The following ADNP2 variants were observed in gnomAD, a reference collection of about 807,000 sequenced individuals.
ADNP2 encodes activity-dependent neuroprotector homeobox protein 2.
A neutral mutation model predicts 16.4 loss-of-function variants in ADNP2; 8 were observed. The observed-to-expected ratio is 0.49, with a 90% CI of 0.29 to 0.88. The LOEUF (loss-of-function observed/expected upper bound fraction) is 0.88, where lower values mean the gene tolerates loss of function less well. Among genes scored for constraint, ADNP2 ranks in the 40% least tolerant of loss-of-function variants. ADNP2 has a pLI of 0.09. For synonymous variants in ADNP2, 637 were observed against 545.8 expected (o/e 1.17, Z -2.33); for missense variants, 1,397 against 1,395.1 (o/e 1.00, Z -0.02).
intron 1 of ADNP2, chr18:80,109,995 A>C (rs2052347357): frequency 6.6e-6 from 1 of 152,478 alleles, no homozygotes; most frequent in Admixed American, 6.5e-5. Flanking sequence ...TTCTCTCTGG[A>C]GGAGCCTTGA....
At position 80,136,264 on chromosome 18, in the gene ADNP2, G is replaced by T. The variant is rs149486660; in HGVS notation, c.851G>T (p.Ser284Ile). ...GCACCAGCAAATGGCAGTGCTCCAA[G>T]CGCTCCAGCGCAGCCTCCTTGCTTC... ...LAAPANGSAP[S>I]APAQPPCFHL... The change falls in exon 4 of 4, where the codon AGC becomes ATC. Residue 284 changes from serine (S) to isoleucine (I), a missense_variant. Coordinates refer to ENST00000262198, the MANE Select transcript of ADNP2 (RefSeq NM_014913.4). 1 of 1,613,988 alleles carries T rather than the reference G, an allele frequency of 6.2e-7. No individual in the cohort carries two copies. Among genetic ancestry groups the T allele is most frequent in the East Asian group, 2.2e-5 (1 of 44,874 alleles).
At chr18:80,128,182 G>A (rs2052472810) in intron 2 of ADNP2, among the ~76,000 whole-genome samples, 1 of 152,166 alleles carries the variant, frequency 6.6e-6, no homozygotes, top group Non-Finnish European at 1.5e-5. Flanking sequence ...AGATTCTTGT[G>A]TGTGCTGGTT....
chr18:80,131,482 T>G (rs1030699469), intron 2 of ADNP2, among the ~76,000 whole-genome samples: 2 of 152,030 alleles, frequency 1.3e-5, no homozygotes, highest in African/African-American at 4.8e-5. Context: ...AAGAAAAAAA[T>G]ACACTTTTCT....
chr18:80,127,360 T>TTTTA (rs56181763), intron 2 of ADNP2, among the ~76,000 whole-genome samples: 16 of 149,094 alleles, frequency 1.1e-4, no homozygotes, highest in African/African-American at 4.0e-4. Flanking sequence ...TTTTTTTTTT[T>TTTTA]AACCATTCCC....
intron 2 of ADNP2, among the ~76,000 whole-genome samples, chr18:80,125,489 A>G (rs182121763): frequency 2.0e-5 from 3 of 152,170 alleles, no homozygotes; most frequent in Admixed American, 6.5e-5. Flanking sequence ...TAAAAATACA[A>G]AAAATTAGCC....
At chr18:80,127,045 C>A (rs769533490) in intron 2 of ADNP2, among the ~76,000 whole-genome samples, 45 of 152,302 alleles carry the variant, frequency 3.0e-4, no homozygotes, top group Middle Eastern at 6.8e-3. Flanking sequence ...TTTGAGAGAC[C>A]ACATTCACAA....
chr18:80,120,909 TTTGTCTC>T (rs1356775433), intron 2 of ADNP2, among the ~76,000 whole-genome samples: 3 of 152,174 alleles, frequency 2.0e-5, no homozygotes, highest in East Asian at 1.9e-4. Context: ...GATTTCACCT[TTTGTCTC>T]TTGTGAATTA....
At position 80,133,097 on chromosome 18, in the gene ADNP2, T is replaced by C; in HGVS notation, c.109-6T>C. Reference sequence around the variant, plus strand: ...ATAATCTCTTTTTTTTCTCCCTTTTTAAAAGGACCTTAAAGGCTTTGATCC... The same window carrying C: ...ATAATCTCTTTTTTTTCTCCCTTTTCAAAAGGACCTTAAAGGCTTTGATCC... On this transcript the variant is annotated splice_region_variant and splice_polypyrimidine_tract_variant and intron_variant, in intron 2 of 3. Transcript: ENST00000262198. 1 of 1,580,128 alleles carries C rather than the reference T, an allele frequency of 6.3e-7. No homozygotes were observed. The highest frequency in any genetic ancestry group is 8.6e-7 in the Non-Finnish European group (1 of 1,162,378).
At chr18:80,130,788 G>A (rs371296317) in intron 2 of ADNP2, among the ~76,000 whole-genome samples, 3 of 137,810 alleles carry the variant, frequency 2.2e-5, no homozygotes, top group Non-Finnish European at 3.0e-5. Flanking sequence ...AGCTCTCTGC[G>A]TTATACTCCT....
chr18:80,136,503 C>A lies in ADNP2; in HGVS notation c.1090C>A (p.His364Asn). ...CTTTCTTTCTCACGGGGTTCCACTT[C>A]ATCAGTCTGTGAATCCTCCTGTGTT... ...PVFLSHGVPL[H>N]QSVNPPVLPL... Residue 364 changes from histidine to asparagine, a missense_variant, in exon 4 of 4, where the codon CAT becomes AAT. Physicochemically the swap from His to Asn is moderately conservative, Grantham distance 68. Around this residue, in one of 3 missense-constraint regions of ADNP2, gnomAD observed 777 missense variants for 719.4 expected, o/e 1.08. Coordinates refer to ENST00000262198, the MANE Select transcript of ADNP2 (RefSeq NM_014913.4). 1 of 1,614,216 alleles carries A rather than the reference C, an allele frequency of 6.2e-7. No homozygotes were observed.
intron 2 of ADNP2, 33 bp from the exon 3 acceptor site, chr18:80,133,070 A>T (rs2052508460): frequency 1.4e-6 from 2 of 1,402,666 alleles, no homozygotes; most frequent in Non-Finnish European, 2.0e-6. Flanking sequence ...TTCTGAATTT[A>T]CATAATCTCT....
chr18:80,125,530 C>T (rs1179815148), intron 2 of ADNP2, among the ~76,000 whole-genome samples: 1 of 152,106 alleles, frequency 6.6e-6, no homozygotes. Context: ...GTAGTCCCAG[C>T]TACTCAGGTG....
chr18:80,125,403 GGAGGCC>G (rs1369381118), intron 2 of ADNP2, among the ~76,000 whole-genome samples: 2 of 152,124 alleles, frequency 1.3e-5, no homozygotes, highest in Non-Finnish European at 2.9e-5. Flanking sequence ...CAGCACTTTG[GGAGGCC>G]GAGGTGGGCG....
chr18:80,137,273 G>A lies in ADNP2; in HGVS notation c.1860G>A (p.Val620=), dbSNP rs1455140080. ...NGIPTYTLAP[V]SVTLPVPPGG... ...TTCCAACCTACACGCTGGCCCCCGT[G>A]TCTGTCACTCTGCCGGTTCCCCCTG... The change falls in exon 4 of 4, where the codon GTG becomes GTA. Residue 620 remains valine, a synonymous_variant. Transcript: ENST00000262198. The surrounding 1 kb of genome is among the most constrained non-coding windows in gnomAD (Gnocchi z 4.2). 5 of 1,614,164 alleles carry A rather than the reference G, an allele frequency of 3.1e-6. No homozygotes were observed. Among genetic ancestry groups the A allele is most frequent in the Non-Finnish European group, 4.2e-6 (5 of 1,180,040 alleles).
At position 80,136,650 on chromosome 18, in the gene ADNP2, C is replaced by T; in HGVS notation, c.1237C>T (p.Pro413Ser). The part of the protein sequence containing the change: ...LTQPVGPINR[P>S]VGPGVLPVSP... ...CCAGCCTGTGGGACCCATAAACAGA[C>T]CTGTTGGGCCTGGTGTTCTTCCTGT... is the stretch of plus-strand genomic sequence containing the variant. The change falls in exon 4 of 4, where the codon CCT becomes TCT. Residue 413 changes from proline (P) to serine (S), a missense_variant. By Grantham distance (74) the Pro-to-Ser change is moderately conservative (BLOSUM62 -1). Transcript: ENST00000262198. The T allele has an allele frequency of 6.2e-7, 1 of 1,613,790 alleles. No individual in the cohort carries two copies. The highest frequency in any genetic ancestry group is 1.1e-5 in the South Asian group (1 of 91,024).
intron 1 of ADNP2, among the ~76,000 whole-genome samples, chr18:80,115,238 G>T (rs1461726073): frequency 6.6e-6 from 1 of 152,156 alleles, no homozygotes; most frequent in Non-Finnish European, 1.5e-5. Context: ...TTTCAAGCTG[G>T]TTACTTCTGT....
At chr18:80,132,957 G>A (rs2052507743) in intron 2 of ADNP2, 146 bp from the exon 3 acceptor site, 1 of 625,274 alleles carries the variant, frequency 1.6e-6, no homozygotes, top group Non-Finnish European at 2.8e-6. Context: ...CTGGCCTCAA[G>A]TGATCCACCC....
At chr18:80,121,867 ACT>A (rs2052427268) in intron 2 of ADNP2, among the ~76,000 whole-genome samples, 1 of 150,812 alleles carries the variant, frequency 6.6e-6, no homozygotes, top group Non-Finnish European at 1.5e-5. Flanking sequence ...TTATTTCTGT[ACT>A]CTCAGTTCTA....
Position 80,136,957 on chromosome 18 carries a change from TC to T in ADNP2, c.1547del (p.Pro516ArgfsTer19), listed in dbSNP as rs750523492. ...AGGGTTATCTCTGCAGGCCAGGTGG[TC>T]CCGTCTGGGCTTCTTTCTCCCAACC... is the stretch of plus-strand genomic sequence containing the variant. ...PLRVISAGQV[V>X]PSGLLSPNQT... On this transcript the variant is annotated frameshift_variant, in exon 4 of 4. Coordinates refer to ENST00000262198, the MANE Select transcript of ADNP2 (RefSeq NM_014913.4). LOFTEE classifies it low-confidence loss of function (END_TRUNC). The T allele has an allele frequency of 2.5e-6, 4 of 1,613,886 alleles. No individual in the cohort carries two copies. The highest frequency in any genetic ancestry group is 2.5e-6 in the Non-Finnish European group (3 of 1,179,846).
Sources: allele counts gnomAD v4.1 joint callset (sites outside exome capture counted in the v4.1 genomes callset), GRCh38; gene constraint gnomAD v4.1.1; regional missense constraint gnomAD v4.1.1; non-coding constraint Gnocchi (gnomAD v3.1); transcripts MANE v1.5; gene names NCBI Gene and HGNC (gene_info 2026-07-23, HGNC 2026-07-21).